The following C1orf141 variants were observed in gnomAD, a reference collection of about 807,000 sequenced individuals.
C1orf141 encodes the protein uncharacterized protein C1orf141.
In C1orf141, 19 loss-of-function variants were observed where a neutral mutation model predicts 23.2. The observed-to-expected ratio is 0.82, with a 90% CI of 0.57 to 1.20. The LOEUF (loss-of-function observed/expected upper bound fraction) is 1.20, where lower values mean the gene tolerates loss of function less well. C1orf141 is among the 50% of genes most tolerant of loss of function. The probability of loss-of-function intolerance (pLI) is 0.00; values close to 1 mark genes in which losing one functional copy is unlikely to be tolerated. For missense variants in C1orf141, 469 were observed against 455.1 expected, an observed-to-expected ratio of 1.03 and a Z score of -0.28; for synonymous variants, 153 against 154.6, an observed-to-expected ratio of 0.99 and a Z score of 0.08.
rs533513594 is a variant in C1orf141 at position 67,128,922 on chromosome 1, G to A, written c.-17-1665C>T. ...CTATATTGTATATTATTCCAGCAAT[G>A]CCACATGGAGACAACAGTTCATGAA... On this transcript the variant is annotated intron_variant, in intron 2 of 7. Coordinates refer to ENST00000684719, the MANE Select transcript of C1orf141 (RefSeq NM_001276351.2). Among the ~76,000 whole-genome samples the A allele has an allele frequency of 2.6e-5, 4 of 152,218 alleles. No homozygotes were observed. The South Asian group carries it at 8.3e-4, about 32-fold the overall frequency.
At chr1:67,109,269 G>T (rs1646008848) in intron 5 of C1orf141, among the ~76,000 whole-genome samples, 1 of 140,836 alleles carries the variant, frequency 7.1e-6, no homozygotes, top group South Asian at 2.2e-4. Context: ...AGAGCTTGCA[G>T]TGAGCCGAGA....
intron 4 of C1orf141, 88 bp from the exon 5 acceptor site, chr1:67,115,552 C>T: frequency 1.7e-6 from 1 of 577,438 alleles, no homozygotes; most frequent in Non-Finnish European, 3.0e-6. Context: ...AATGTGAAGT[C>T]CTAGTTATAC....
chr1:67,109,968 G>A (rs1646029490), intron 5 of C1orf141, among the ~76,000 whole-genome samples: 1 of 151,952 alleles, frequency 6.6e-6, no homozygotes, highest in Admixed American at 6.6e-5. Flanking sequence ...CCACTGAGAA[G>A]AAAGGTAATC....
intron 2 of C1orf141, 115 bp downstream of exon 2, chr1:67,131,027 A>G (rs924759624): frequency 2.6e-5 from 4 of 152,330 alleles, no homozygotes; most frequent in African/African-American, 9.7e-5. Flanking sequence ...GAGCAAAGGA[A>G]CATCAGTACT....
In C1orf141 at chr1:67,134,918, C is replaced by G. The variant is rs1010978425; in HGVS notation, c.-104+12G>C. 1 of 152,416 alleles carries G rather than the reference C, an allele frequency of 6.6e-6. No homozygotes were observed. The highest frequency in any genetic ancestry group is 2.4e-5 in the African/African-American group (1 of 41,460). The allele number at this position is 152,416 out of a possible 1,614,324, so 9.4% of individuals were successfully genotyped here. On this transcript the variant is annotated intron_variant, in intron 1 of 7. Transcript: ENST00000684719. ...TTCAACTCTTCCAACCCTTCCGCAC[C>G]CTGAAACAAACCTCATCTCCTTTCC...
chr1:67,141,470 T>C (rs1329436032), intron 1 of C1orf141, among the ~76,000 whole-genome samples: 1 of 152,058 alleles, frequency 6.6e-6, no homozygotes, highest in Non-Finnish European at 1.5e-5. Flanking sequence ...CAAAAAAGTT[T>C]TTACAAGTCC....
At chr1:67,133,808 C>T (rs1646552620) in intron 1 of C1orf141, among the ~76,000 whole-genome samples, 1 of 151,874 alleles carries the variant, frequency 6.6e-6, no homozygotes, top group Non-Finnish European at 1.5e-5. Flanking sequence ...AGAAAACAAC[C>T]CTGCCCACCT....
chr1:67,126,142 G>C (rs752242969), intron 3 of C1orf141, among the ~76,000 whole-genome samples: 1 of 148,420 alleles, frequency 6.7e-6, no homozygotes, highest in Non-Finnish European at 1.5e-5. Flanking sequence ...TGTAAAATGT[G>C]GGGGTAGGAC....
In C1orf141 at chr1:67,119,547, C is replaced by A. The variant is rs532355289; in HGVS notation, c.234-4083G>T. 2.6e-5 allele frequency among the ~76,000 whole-genome samples: 4 copies of A among 152,154 alleles called. No individual in the cohort carries two copies. The East Asian group carries it at 7.7e-4, about 29-fold the overall frequency. Reference sequence around the variant, plus strand: ...AAAAATTTTCAGCCTGCTCATATTACAAAAGAATGAAAAAGTATGCTTGGG... The same window carrying A: ...AAAAATTTTCAGCCTGCTCATATTAAAAAAGAATGAAAAAGTATGCTTGGG... On this transcript the variant is annotated intron_variant, in intron 4 of 7. Coordinates refer to ENST00000684719, the MANE Select transcript of C1orf141 (RefSeq NM_001276351.2).
chr1:67,138,911 G>C (rs1351568024), upstream of C1orf141: 1 of 152,356 alleles, frequency 6.6e-6, no homozygotes. Context: ...GTGACTAATG[G>C]GAGGCCAGTC....
chr1:67,127,558 A>G (rs895246513), intron 2 of C1orf141, among the ~76,000 whole-genome samples: 7 of 152,140 alleles, frequency 4.6e-5, no homozygotes, highest in African/African-American at 1.7e-4. Flanking sequence ...AAGCAAGACC[A>G]TGTGGCTTGA....
chr1:67,123,005 C>G (rs746508440), intron 4 of C1orf141: 1 of 152,016 alleles, frequency 6.6e-6, no homozygotes, highest in South Asian at 2.1e-4. Context: ...AGTTCGAGAC[C>G]AGCCTGGCCA....
At chr1:67,125,474 G>T (rs1310366506) in intron 4 of C1orf141, among the ~76,000 whole-genome samples, 1 of 152,148 alleles carries the variant, frequency 6.6e-6, no homozygotes, top group Non-Finnish European at 1.5e-5. Context: ...TAGGTGGGTG[G>T]ATCTCTTGAG....
At chr1:67,136,431 T>C (rs1456487205), upstream of C1orf141, among the ~76,000 whole-genome samples, 1 of 152,186 alleles carries the variant, frequency 6.6e-6, no homozygotes, top group Non-Finnish European at 1.5e-5. Flanking sequence ...ATCTAGTTGA[T>C]AGTGGTGATT....
intron 5 of C1orf141, among the ~76,000 whole-genome samples, chr1:67,098,192 A>G (rs1336357127): frequency 1.3e-5 from 2 of 152,138 alleles, no homozygotes; most frequent in African/African-American, 4.8e-5. Context: ...TGAGTGGTGA[A>G]TAAGAGACAG....
chr1:67,105,142 C>T (rs180924164), intron 5 of C1orf141, among the ~76,000 whole-genome samples: 21 of 151,856 alleles, frequency 1.4e-4, no homozygotes, highest in East Asian at 7.8e-4. Context: ...GCCCGGCCAA[C>T]GTGGTGAAAC....
At chr1:67,128,950 G>C (rs2102501612) in intron 2 of C1orf141, among the ~76,000 whole-genome samples, 1 of 152,236 alleles carries the variant, frequency 6.6e-6, no homozygotes, top group East Asian at 1.9e-4. Flanking sequence ...TTCATGAAAG[G>C]AGAAAGATTC....
chr1:67,139,911 T>C (rs1646619968), upstream of C1orf141, among the ~76,000 whole-genome samples: 1 of 152,062 alleles, frequency 6.6e-6, no homozygotes, highest in African/African-American at 2.4e-5. Flanking sequence ...GAATTATGGG[T>C]TAACAGATTA....
At chr1:67,113,045 T>C (rs548320910) in intron 5 of C1orf141, among the ~76,000 whole-genome samples, 195 of 152,316 alleles carry the variant, frequency 1.3e-3, no homozygotes, top group African/African-American at 4.5e-3. Flanking sequence ...AGTGGCACCA[T>C]CTCAGTTCAC....
Sources: gnomAD v4.1 joint callset for allele counts (sites outside exome capture counted in the v4.1 genomes callset) on GRCh38, gnomAD v4.1.1 for gene constraint, MANE v1.5 for transcripts, NCBI Gene and HGNC (gene_info 2026-07-23, HGNC 2026-07-21) for gene names.